The following KIAA1671 variants were observed in gnomAD, a reference collection of about 807,000 sequenced individuals.
KIAA1671 encodes the protein uncharacterized protein KIAA1671.
In KIAA1671, 52 loss-of-function variants were observed where a neutral mutation model predicts 131.2. The ratio of observed to expected loss-of-function variants is 0.40; its 90% CI spans 0.32 to 0.50. The LOEUF (loss-of-function observed/expected upper bound fraction) is 0.50, where lower values mean the gene tolerates loss of function less well. Among genes scored for constraint, KIAA1671 ranks in the 20% least tolerant of loss-of-function variants. The probability of loss-of-function intolerance (pLI) is 0.73; values close to 1 mark genes in which losing one functional copy is unlikely to be tolerated. For missense variants in KIAA1671, 2,360 were observed against 2,364.2 expected (o/e 1.00, Z 0.04); for synonymous variants, 1,003 against 961.6 (o/e 1.04, Z -0.80).
At chr22:24,989,818 G>A (rs1473363141) in intron 1 of KIAA1671, among the ~76,000 whole-genome samples, 4 of 152,094 alleles carry the variant, frequency 2.6e-5, no homozygotes, top group African/African-American at 4.8e-5. Context: ...GTGAATGTCC[G>A]CCCGGCAAAG....
chr22:25,149,999 G>A (rs1346410268), intron 6 of KIAA1671, among the ~76,000 whole-genome samples: 1 of 152,152 alleles, frequency 6.6e-6, no homozygotes, highest in Non-Finnish European at 1.5e-5. Context: ...TCCCGTGCCT[G>A]GTTGAAATGG....
chr22:25,191,992 A>G (rs1285706022), intron 12 of KIAA1671, among the ~76,000 whole-genome samples: 1 of 152,178 alleles, frequency 6.6e-6, no homozygotes, highest in African/African-American at 2.4e-5. Context: ...TTACATGATT[A>G]TGTATGATGC....
chr22:25,081,608 A>T (rs1163622013), intron 6 of KIAA1671, among the ~76,000 whole-genome samples: 1 of 117,012 alleles, frequency 8.5e-6, no homozygotes, highest in Non-Finnish European at 1.7e-5. Flanking sequence ...CAGGGGTTAG[A>T]TGGGCAGCTG....
chr22:24,967,983 ACT>A (rs1298060037), intron 1 of KIAA1671, among the ~76,000 whole-genome samples: 2 of 151,916 alleles, frequency 1.3e-5, no homozygotes, highest in South Asian at 2.1e-4. Context: ...ACAGAGTGAG[ACT>A]CTGTCTCAAA....
intron 1 of KIAA1671, among the ~76,000 whole-genome samples, chr22:25,017,671 G>A (rs1261664885): frequency 6.6e-6 from 1 of 152,154 alleles, no homozygotes; most frequent in East Asian, 1.9e-4. Flanking sequence ...TAAAAAGTAG[G>A]ATGATTGAAT....
At chr22:25,073,408 A>G (rs999356031) in intron 6 of KIAA1671, among the ~76,000 whole-genome samples, 8 of 151,652 alleles carry the variant, frequency 5.3e-5, no homozygotes, top group Admixed American at 3.3e-4. Flanking sequence ...AAAATGTTGT[A>G]TACATTTAAA....
intron 6 of KIAA1671, among the ~76,000 whole-genome samples, chr22:25,166,863 C>T (rs892506907): frequency 2.0e-5 from 3 of 151,960 alleles, no homozygotes; most frequent in African/African-American, 7.3e-5. Flanking sequence ...TCCTCTGCCT[C>T]CCGCTGAGCT....
chr22:24,965,638 G>A (rs777712639), intron 1 of KIAA1671, among the ~76,000 whole-genome samples: 27 of 151,866 alleles, frequency 1.8e-4, no homozygotes, highest in Non-Finnish European at 4.0e-4. Context: ...TACTCGGGAG[G>A]CTGAGGCGGG....
At chr22:25,117,874 C>A (rs1169902260) in intron 6 of KIAA1671, among the ~76,000 whole-genome samples, 1 of 152,006 alleles carries the variant, frequency 6.6e-6, no homozygotes, top group African/African-American at 2.4e-5. Flanking sequence ...GGTGTGGTGA[C>A]TCACCTGTAA....
intron 1 of KIAA1671, among the ~76,000 whole-genome samples, chr22:25,016,982 T>C (rs1925362911): frequency 6.6e-6 from 1 of 152,198 alleles, no homozygotes; most frequent in African/African-American, 2.4e-5. Context: ...ACTTCTGCAG[T>C]CATATTGATA....
At chr22:25,144,489 G>A (rs1332687910) in intron 6 of KIAA1671, among the ~76,000 whole-genome samples, 1 of 152,214 alleles carries the variant, frequency 6.6e-6, no homozygotes, top group Non-Finnish European at 1.5e-5. Context: ...AGTTCAGTAA[G>A]TGACATTTTC....
In KIAA1671 at chr22:25,028,069, AAGG is replaced by A; in HGVS notation, c.76_78del (p.Glu26del). On this transcript the variant is annotated inframe_deletion, in exon 3 of 13. Coordinates refer to ENST00000358431, the MANE Select transcript of KIAA1671 (RefSeq NM_001145206.2). ...CGTGCCAGGCCTGGGTGAGATGGGC[AAGG>A]AGGAGACCCTGACGAGGACCTACTT... The A allele has an allele frequency of 1.9e-6, 3 of 1,549,744 alleles. No individual in the cohort carries two copies. The East Asian group carries it at 7.3e-5, about 38-fold the overall frequency.
At position 25,121,473 on chromosome 22, in the gene KIAA1671, A is replaced by G. The variant is rs186798094; in HGVS notation, c.4531-49347A>G. ...TGAGACTCCATCTCAAAAAAAAAAA[A>G]AAAAAGAGAATGGAGTCTTTAGCAA... On this transcript the variant is annotated intron_variant, in intron 6 of 12. Coordinates refer to ENST00000358431, the MANE Select transcript of KIAA1671 (RefSeq NM_001145206.2). 5.6e-3 allele frequency among the ~76,000 whole-genome samples: 849 copies of G among 152,218 alleles called. 5 individuals are homozygous for G. Among genetic ancestry groups the G allele is most frequent in the Admixed American group, 0.01 (155 of 15,286 alleles).
chr22:24,995,266 A>C (rs564775704), intron 1 of KIAA1671, among the ~76,000 whole-genome samples: 1 of 151,324 alleles, frequency 6.6e-6, no homozygotes, highest in Non-Finnish European at 1.5e-5. Context: ...GTTAGCCAGG[A>C]TGGTCTCGAT....
chr22:25,048,598 A>G (rs1391071110), intron 5 of KIAA1671, among the ~76,000 whole-genome samples: 1 of 152,110 alleles, frequency 6.6e-6, no homozygotes, highest in Non-Finnish European at 1.5e-5. Flanking sequence ...CATATAAAAT[A>G]TGCATCCTGG....
In KIAA1671 at chr22:25,193,319, G is replaced by A. The variant is rs1465123203; in HGVS notation, c.*918G>A. 1 of 152,152 alleles carries A rather than the reference G, an allele frequency of 6.6e-6. No individual in the cohort carries two copies. The highest frequency in any genetic ancestry group is 1.5e-5 in the Non-Finnish European group (1 of 68,056). 9.4% of individuals were successfully genotyped at this position (152,152 alleles called of 1,614,324 possible). On this transcript the variant is annotated 3_prime_UTR_variant, in exon 13 of 13. Coordinates refer to ENST00000358431, the MANE Select transcript of KIAA1671 (RefSeq NM_001145206.2). ...GGTGACCTTTGCCCCTTGGCCTTAA[G>A]GGTTCATAAACTGCAGCCCAAGTGG...
At chr22:25,042,413 G>A (rs987913168) in intron 5 of KIAA1671, among the ~76,000 whole-genome samples, 5 of 151,076 alleles carry the variant, frequency 3.3e-5, no homozygotes, top group Non-Finnish European at 7.4e-5. Context: ...GTGATCTTAC[G>A]TGAGCCTCAA....
At chr22:24,988,412 T>C (rs1462595697) in intron 1 of KIAA1671, among the ~76,000 whole-genome samples, 1 of 152,036 alleles carries the variant, frequency 6.6e-6, no homozygotes, top group Non-Finnish European at 1.5e-5. Flanking sequence ...ATATGATCCT[T>C]TGGGTAGAAA....
intron 6 of KIAA1671, among the ~76,000 whole-genome samples, chr22:25,140,937 A>G (rs1932798252): frequency 1.3e-5 from 2 of 152,144 alleles, no homozygotes; most frequent in Non-Finnish European, 2.9e-5. Context: ...GGGGAGTTGG[A>G]AGAGTAGAGT....
Sources: allele counts gnomAD v4.1 joint callset (sites outside exome capture counted in the v4.1 genomes callset), GRCh38; gene constraint gnomAD v4.1.1; transcripts MANE v1.5; gene names NCBI Gene and HGNC (gene_info 2026-07-23, HGNC 2026-07-21).